The following GATAD2B variants were observed in gnomAD, a reference collection of about 807,000 sequenced individuals.
The protein encoded by GATAD2B is GATA zinc finger domain containing 2B.
In GATAD2B, 8 loss-of-function variants were observed where a neutral mutation model predicts 64.3. The observed-to-expected ratio is 0.12, with a 90% confidence interval of 0.07 to 0.22. The LOEUF is 0.22. Ranked by LOEUF, GATAD2B falls within the 10% of genes least tolerant of loss-of-function variation. The probability of loss-of-function intolerance (pLI) is 1.00; values close to 1 mark genes in which losing one functional copy is unlikely to be tolerated. For synonymous variants in GATAD2B, 281 were observed against 271.3 expected (o/e 1.04, Z -0.35); for missense variants, 453 against 752.0 (o/e 0.60, Z 4.65).
chr1:153,830,544 C>T (rs1337741889), intron 1 of GATAD2B, among the ~76,000 whole-genome samples: 8 of 140,688 alleles, frequency 5.7e-5, no homozygotes, highest in East Asian at 2.1e-4. Context: ...GGCGGGATCT[C>T]GGCTCACTGC....
At chr1:153,897,220 G>A (rs1677625212) in intron 1 of GATAD2B, among the ~76,000 whole-genome samples, 1 of 151,880 alleles carries the variant, frequency 6.6e-6, no homozygotes, top group Non-Finnish European at 1.5e-5. Flanking sequence ...TAGTAGAGAC[G>A]GGGTTTCACT....
chr1:153,841,676 C>G (rs146424164), intron 1 of GATAD2B, among the ~76,000 whole-genome samples: 51 of 152,100 alleles, frequency 3.4e-4, no homozygotes, highest in African/African-American at 1.2e-3. Flanking sequence ...ATGGATGTAC[C>G]ATGGTTTATT....
chr1:153,837,441 T>C (rs1421823435), intron 1 of GATAD2B, among the ~76,000 whole-genome samples: 1 of 151,196 alleles, frequency 6.6e-6, no homozygotes, highest in Non-Finnish European at 1.5e-5. Context: ...TGAGGGGTGA[T>C]TGTTTAATGG....
At chr1:153,864,704 T>C (rs567399566) in intron 1 of GATAD2B, among the ~76,000 whole-genome samples, 2 of 152,268 alleles carry the variant, frequency 1.3e-5, no homozygotes, top group African/African-American at 4.8e-5. Context: ...AAACCAAGTA[T>C]CTAATTCTCA....
chr1:153,829,311 G>A (rs1458340495), intron 1 of GATAD2B, among the ~76,000 whole-genome samples: 2 of 152,182 alleles, frequency 1.3e-5, no homozygotes, highest in Non-Finnish European at 2.9e-5. Flanking sequence ...AGATAAAATA[G>A]TAAGAAAATC....
At chr1:153,898,603 C>T (rs1028536573) in intron 1 of GATAD2B, among the ~76,000 whole-genome samples, 3 of 151,560 alleles carry the variant, frequency 2.0e-5, no homozygotes, top group Non-Finnish European at 2.9e-5. Flanking sequence ...TGCCAGTGCA[C>T]GCCTGTAGTC....
chr1:153,837,969 A>G (rs529513918), intron 1 of GATAD2B, among the ~76,000 whole-genome samples: 2 of 152,326 alleles, frequency 1.3e-5, no homozygotes, highest in South Asian at 4.1e-4. Flanking sequence ...TTTATCACGT[A>G]TTCTTACTTA....
At chr1:153,885,039 GA>G (rs1196239436) in intron 1 of GATAD2B, among the ~76,000 whole-genome samples, 1 of 152,088 alleles carries the variant, frequency 6.6e-6, no homozygotes, top group East Asian at 1.9e-4. Context: ...TTACAGGTGT[GA>G]GCCAATGTGC....
chr1:153,830,482 A>ATTTT (rs759668284), intron 1 of GATAD2B, among the ~76,000 whole-genome samples: 87,504 of 131,036 alleles, frequency 0.67, 30,771 homozygotes, highest in Non-Finnish European at 0.81. Flanking sequence ...TTATTTATTT[A>ATTTT]TTTTTTTTTT....
rs773603566 is a variant in GATAD2B, at chr1:153,812,084, C to T, written c.1468G>A (p.Ala490Thr). 1 of 1,613,260 alleles carries T rather than the reference C, an allele frequency of 6.2e-7. No homozygotes were observed. Among genetic ancestry groups the T allele is most frequent in the Non-Finnish European group, 8.5e-7 (1 of 1,179,476 alleles). ...TTACTGACACTGGACACAGCTGGAG[C>T]CGTAGTGGGGGAGAGGGCTGCCTGC... ...QQQAALSPTTAPAVSSVSKQE... is the reference protein window; with the variant it reads ...QQQAALSPTTTPAVSSVSKQE... Residue 490 changes from alanine (A) to threonine (T), a missense_variant, in exon 9 of 11, where the codon GCT (alanine) becomes ACT (threonine). By Grantham distance (58) the Ala-to-Thr change is moderately conservative. This residue lies in a region of GATAD2B where 160 missense variants were observed against 334.7 expected (regional missense o/e 0.48). Transcript: ENST00000368655.
chr1:153,870,903 T>C (rs2101929844), intron 1 of GATAD2B, among the ~76,000 whole-genome samples: 1 of 152,270 alleles, frequency 6.6e-6, no homozygotes, highest in East Asian at 1.9e-4. Flanking sequence ...ATACTGATAC[T>C]AGAGAGAGGT....
chr1:153,856,974 C>A (rs1285201248), intron 1 of GATAD2B, among the ~76,000 whole-genome samples: 1 of 151,818 alleles, frequency 6.6e-6, no homozygotes, highest in Non-Finnish European at 1.5e-5. Flanking sequence ...CATCTGAAGA[C>A]TGAAATGATT....
intron 1 of GATAD2B, among the ~76,000 whole-genome samples, chr1:153,885,114 T>C (rs1045015880): frequency 6.6e-6 from 1 of 152,030 alleles, no homozygotes; most frequent in African/African-American, 2.4e-5. Flanking sequence ...AAAGCTTAAA[T>C]GAAGTCACTC....
At chr1:153,920,622 G>C (rs949593297) in intron 1 of GATAD2B, among the ~76,000 whole-genome samples, 1 of 152,166 alleles carries the variant, frequency 6.6e-6, no homozygotes, top group Non-Finnish European at 1.5e-5. Flanking sequence ...GGTCAGGGAA[G>C]GCAAACCACA....
chr1:153,881,818 T>G (rs1677020241), intron 1 of GATAD2B, among the ~76,000 whole-genome samples: 1 of 151,920 alleles, frequency 6.6e-6, no homozygotes, highest in African/African-American at 2.4e-5. Context: ...CGTGTGTGTG[T>G]GGAGGGTCCC....
intron 1 of GATAD2B, among the ~76,000 whole-genome samples, chr1:153,866,041 C>A (rs1676465108): frequency 6.6e-6 from 1 of 151,766 alleles, no homozygotes; most frequent in African/African-American, 2.4e-5. Context: ...CCTGTCTATA[C>A]AAAAATACAA....
At chr1:153,909,119 C>T (rs2101966995) in intron 1 of GATAD2B, among the ~76,000 whole-genome samples, 1 of 152,256 alleles carries the variant, frequency 6.6e-6, no homozygotes, top group East Asian at 1.9e-4. Flanking sequence ...GCGCAAGAAT[C>T]ACTTGAGCCC....
intron 1 of GATAD2B, among the ~76,000 whole-genome samples, chr1:153,914,407 A>T (rs1678204485): frequency 6.6e-6 from 1 of 152,134 alleles, no homozygotes; most frequent in Admixed American, 6.6e-5. Flanking sequence ...TCTCATTTCT[A>T]AGCTGAGGAA....
In GATAD2B at chr1:153,805,835, G is replaced by T. The variant is rs191440835; in HGVS notation, c.*4342C>A. ...GATTGTAGCCCCCTCAACCCCTTTT[G>T]TGTTGGTGGTTCTTTTTACTCTACA... On this transcript the variant is annotated 3_prime_UTR_variant, in exon 11 of 11. Transcript: ENST00000368655. 1 of 152,190 alleles carries T rather than the reference G, an allele frequency of 6.6e-6. No homozygotes were observed. Among genetic ancestry groups the T allele is most frequent in the African/African-American group, 2.4e-5 (1 of 41,436 alleles). 9.4% of individuals were successfully genotyped at this position (152,190 alleles called of 1,614,324 possible). A position where few individuals can be genotyped will look rare whatever the true frequency, so the allele number is the denominator to read the frequency against.
Sources: allele counts gnomAD v4.1 joint callset (sites outside exome capture counted in the v4.1 genomes callset), GRCh38; gene constraint gnomAD v4.1.1; regional missense constraint gnomAD v4.1.1; transcripts MANE v1.5; gene names NCBI Gene and HGNC (gene_info 2026-07-23, HGNC 2026-07-21).